The following RALGPS1 variants were observed in gnomAD, a reference collection of about 807,000 sequenced individuals.
RALGPS1 encodes the protein Ral GEF with PH domain and SH3 binding motif 1.
RALGPS1 carries 19 observed loss-of-function variants against 78.8 expected under a neutral mutation model. That is an observed-to-expected ratio of 0.24 (90% CI 0.17 to 0.35). The LOEUF is 0.35. Among genes scored for constraint, RALGPS1 ranks in the 10% least tolerant of loss-of-function variants. RALGPS1 has a pLI of 1.00. For synonymous variants in RALGPS1, 228 were observed against 256.3 expected (o/e 0.89, Z 1.06); for missense variants, 454 against 688.3 (o/e 0.66, Z 3.81).
At chr9:127,053,660 CTGTA>C in intron 7 of RALGPS1, among the ~76,000 whole-genome samples, 1 of 152,298 alleles carries the variant, frequency 6.6e-6, no homozygotes, top group Middle Eastern at 3.4e-3. Flanking sequence ...CTGACAAAAA[CTGTA>C]TGGAATTGTC....
chr9:127,079,322 A>T (rs1348568426), intron 8 of RALGPS1, among the ~76,000 whole-genome samples: 2 of 152,204 alleles, frequency 1.3e-5, no homozygotes, highest in African/African-American at 4.8e-5. Flanking sequence ...GACAAAGGAA[A>T]GACTGGGGAG....
chr9:127,166,113 G>C lies in RALGPS1; in HGVS notation c.655G>C (p.Ala219Pro). ...DLIYIDSAYP[A>P]SGSIMENEQR... ...AATCTACATTGATTCTGCATATCCT[G>C]CCTCAGGCAGTATCATGGAAAATGA... The change falls in exon 9 of 19, where the codon GCC becomes CCC. Residue 219 changes from alanine (A) to proline (P), a missense_variant. By Grantham distance (27) the Ala-to-Pro change is conservative (BLOSUM62 -1). Transcript: ENST00000259351. 1 of 1,612,310 alleles carries C rather than the reference G, an allele frequency of 6.2e-7. No homozygotes were observed. The highest frequency in any genetic ancestry group is 1.3e-5 in the African/African-American group (1 of 74,992).
chr9:127,209,820 G>C (rs2062141349), intron 14 of RALGPS1, among the ~76,000 whole-genome samples: 1 of 152,226 alleles, frequency 6.6e-6, no homozygotes, highest in Admixed American at 6.5e-5. Flanking sequence ...TGATGTCACA[G>C]AGCAACGGCT....
intron 8 of RALGPS1, among the ~76,000 whole-genome samples, chr9:127,140,549 A>T: frequency 6.6e-6 from 1 of 152,180 alleles, no homozygotes; most frequent in Non-Finnish European, 1.5e-5. Flanking sequence ...AGAACATTCC[A>T]CCAGGACCAC....
At chr9:126,999,073 C>A in intron 4 of RALGPS1, among the ~76,000 whole-genome samples, 1 of 148,508 alleles carries the variant, frequency 6.7e-6, no homozygotes. Flanking sequence ...TGCTAAATGA[C>A]GAGTTAATGG....
At chr9:127,121,855 C>T (rs971791510) in intron 8 of RALGPS1, among the ~76,000 whole-genome samples, 18 of 152,200 alleles carry the variant, frequency 1.2e-4, no homozygotes, top group African/African-American at 3.9e-4. Context: ...CTCAGCACAG[C>T]GCTTGCCTTT....
chr9:126,977,881 A>G (rs185131139), intron 4 of RALGPS1, 136 bp downstream of exon 4: 12 of 587,060 alleles, frequency 2.0e-5, no homozygotes, highest in African/African-American at 5.8e-5. Flanking sequence ...ACCCCATTCT[A>G]TTCTTGATGG....
chr9:127,088,878 G>T, intron 8 of RALGPS1: 1 of 1,593,432 alleles, frequency 6.3e-7, no homozygotes, highest in Non-Finnish European at 8.6e-7. Context: ...TTGTGCTGTG[G>T]CCAGCGTGAC....
At chr9:127,168,251 CA>C (rs1170739206) in intron 9 of RALGPS1, among the ~76,000 whole-genome samples, 1 of 152,198 alleles carries the variant, frequency 6.6e-6, no homozygotes, top group Non-Finnish European at 1.5e-5. Flanking sequence ...TTCTTGAATT[CA>C]TGTCACACAG....
intron 8 of RALGPS1, among the ~76,000 whole-genome samples, chr9:127,121,535 C>T (rs921199554): frequency 6.6e-6 from 1 of 152,214 alleles, no homozygotes; most frequent in African/African-American, 2.4e-5. Flanking sequence ...CCATGACACA[C>T]ATATCATAGA....
At chr9:127,100,478 A>G (rs1239257854) in intron 8 of RALGPS1, among the ~76,000 whole-genome samples, 4 of 152,148 alleles carry the variant, frequency 2.6e-5, no homozygotes, top group African/African-American at 9.7e-5. Context: ...AGGAGGAGAA[A>G]CAGGGGCTTT....
chr9:126,997,304 C>T (rs188173806), intron 4 of RALGPS1, among the ~76,000 whole-genome samples: 3 of 152,314 alleles, frequency 2.0e-5, no homozygotes, highest in African/African-American at 7.2e-5. Flanking sequence ...CCCAAAATCT[C>T]CTCAAGCTGA....
chr9:127,050,876 G>A (rs1009235546), intron 6 of RALGPS1, among the ~76,000 whole-genome samples: 3 of 152,176 alleles, frequency 2.0e-5, no homozygotes, highest in African/African-American at 7.2e-5. Flanking sequence ...CCAGGTCCTA[G>A]GAAAGCTGCC....
chr9:127,119,981 T>G (rs1387797183), intron 8 of RALGPS1, among the ~76,000 whole-genome samples: 1 of 152,188 alleles, frequency 6.6e-6, no homozygotes, highest in Non-Finnish European at 1.5e-5. Flanking sequence ...TTCAAAATGC[T>G]TCCAAGCGTG....
intron 4 of RALGPS1, among the ~76,000 whole-genome samples, chr9:126,994,365 G>A (rs112874744): frequency 1.9e-4 from 29 of 152,206 alleles, no homozygotes; most frequent in Admixed American, 1.6e-3. Flanking sequence ...ACCAAGGCAC[G>A]AGAGCTACGT....
intron 4 of RALGPS1, among the ~76,000 whole-genome samples, chr9:126,995,293 G>A (rs1020997813): frequency 2.0e-5 from 3 of 151,992 alleles, no homozygotes; most frequent in South Asian, 2.1e-4. Flanking sequence ...CCCATCTCAT[G>A]TGCAGAGACA....
At position 127,219,034 on chromosome 9, in the gene RALGPS1, C is replaced by T. The variant is rs1046128628; in HGVS notation, c.*265C>T. 7.5e-6 allele frequency: 4 copies of T among 536,340 alleles called. No homozygotes were observed. Among genetic ancestry groups the T allele is most frequent in the African/African-American group, 1.9e-5 (1 of 52,270 alleles). The allele number at this position is 536,340 out of a possible 1,614,324, so 33.2% of individuals were successfully genotyped here. ...TCAGACCCCACACGCCCTCTCTGGG[C>T]CCACCACCTGCATCTGCGACTAGAG... On this transcript the variant is annotated 3_prime_UTR_variant, in exon 19 of 19. Coordinates refer to ENST00000259351, the MANE Select transcript of RALGPS1 (RefSeq NM_014636.3). The surrounding 1 kb of genome is among the most constrained non-coding windows in gnomAD (Gnocchi z 5.0).
chr9:126,940,572 C>T (rs1461520150), intron 1 of RALGPS1, among the ~76,000 whole-genome samples: 5 of 151,586 alleles, frequency 3.3e-5, no homozygotes, highest in Admixed American at 2.0e-4. Context: ...CCTGAGTAGC[C>T]GGGACTACAA....
rs748882962 is a variant in RALGPS1 at position 127,004,791 on chromosome 9, G to A, written c.216+27046G>A. 9.8e-5 allele frequency among the ~76,000 whole-genome samples: 15 copies of A among 152,306 alleles called. No individual in the cohort carries two copies. In the South Asian group the frequency reaches 1.2e-3, roughly 13 times the overall value. On this transcript the variant is annotated intron_variant, in intron 4 of 18. Transcript: ENST00000259351. Reference sequence around the variant, plus strand: ...CTGCAATGATAGGCTTCTTGTCAGTGGTTGCACGACATCTGCAAAGGAGAA... The same window carrying A: ...CTGCAATGATAGGCTTCTTGTCAGTAGTTGCACGACATCTGCAAAGGAGAA...
Sources: allele counts gnomAD v4.1 joint callset (sites outside exome capture counted in the v4.1 genomes callset), GRCh38; gene constraint gnomAD v4.1.1; non-coding constraint Gnocchi (gnomAD v3.1); transcripts MANE v1.5; gene names NCBI Gene and HGNC (gene_info 2026-07-23, HGNC 2026-07-21).